The following CDH18 variants were observed in gnomAD, a reference collection of about 807,000 sequenced individuals.
The protein encoded by CDH18 is cadherin 18.
Under a neutral mutation model 67.9 loss-of-function variants are expected in CDH18, and 31 were observed. The observed-to-expected ratio is 0.46, with a 90% CI of 0.34 to 0.62. The LOEUF (loss-of-function observed/expected upper bound fraction) is 0.62. CDH18 is among the 20% of genes least tolerant of loss of function. The probability of loss-of-function intolerance (pLI) is 0.01; values close to 1 mark genes in which losing one functional copy is unlikely to be tolerated. For missense variants in CDH18, 890 were observed against 975.5 expected (o/e 0.91, Z 1.17); for synonymous variants, 362 against 347.2 (o/e 1.04, Z -0.48).
chr5:19,521,199 CA>C (rs1250574213), intron 9 of CDH18, among the ~76,000 whole-genome samples: 15 of 152,020 alleles, frequency 9.9e-5, no homozygotes, highest in African/African-American at 3.1e-4. Flanking sequence ...TCAAAGAAAA[CA>C]AAAAATAAAT....
intron 5 of CDH18, among the ~76,000 whole-genome samples, chr5:19,666,511 G>C (rs4524513): frequency 0.92 from 139,194 of 151,902 alleles, 64,178 homozygotes; most frequent in Non-Finnish European, 0.96. Flanking sequence ...ATTACACCAC[G>C]AGCCAATGAA....
chr5:20,477,871 G>C (rs1438551701), intron 1 of CDH18, among the ~76,000 whole-genome samples: 1 of 152,082 alleles, frequency 6.6e-6, no homozygotes, highest in Non-Finnish European at 1.5e-5. Context: ...GAGAGGAGAG[G>C]ACAGATTAAG....
At chr5:19,828,689 G>A (rs751718189) in intron 3 of CDH18, among the ~76,000 whole-genome samples, 5 of 152,094 alleles carry the variant, frequency 3.3e-5, no homozygotes, top group East Asian at 1.9e-4. Flanking sequence ...ATACAACATC[G>A]CTTCATGTTA....
intron 9 of CDH18, among the ~76,000 whole-genome samples, chr5:19,538,008 TA>T (rs748077079): frequency 6.6e-6 from 1 of 152,132 alleles, no homozygotes; most frequent in Non-Finnish European, 1.5e-5. Flanking sequence ...AGATAAAAGG[TA>T]AAAAGTATTG....
At position 20,363,477 on chromosome 5, in the gene CDH18, C is replaced by CAAAAAAA. The variant is rs1187140017; in HGVS notation, c.-579-107979_-579-107973dup. On this transcript the variant is annotated intron_variant, in intron 1 of 14. Transcript: ENST00000507958. ...GGCAACACAGAGCGAGACTCCGTATCAAAAAAAAAAAAAAAAAAAAGCCAG... is the reference window on the plus strand; with the variant it reads ...GGCAACACAGAGCGAGACTCCGTATCAAAAAAAAAAAAAAAAAAAAAAAAAAAGCCAG... Among the ~76,000 whole-genome samples the CAAAAAAA allele has an allele frequency of 6.9e-5, 7 of 101,310 alleles. 3 individuals carry two copies. The highest frequency in any genetic ancestry group is 1.3e-4 in the Admixed American group (1 of 7,844). The allele number at this position is 101,310 out of a possible 152,430, so 66.5% of individuals were successfully genotyped here. A position where few individuals can be genotyped will look rare whatever the true frequency, so the allele number is the denominator to read the frequency against.
intron 2 of CDH18, among the ~76,000 whole-genome samples, chr5:20,029,045 T>G (rs58550676): frequency 0.31 from 46,801 of 151,740 alleles, 8,179 homozygotes; most frequent in Non-Finnish European, 0.38. Flanking sequence ...GATCCAAGGA[T>G]CCAAAGCAAC....
In CDH18 at chr5:19,922,254, T is replaced by C. The variant is rs573302606; in HGVS notation, c.-257+58806A>G. Among the ~76,000 whole-genome samples, 6 of 152,330 alleles carry C rather than the reference T, an allele frequency of 3.9e-5. No individual in the cohort carries two copies. The East Asian group carries it at 1.2e-3, about 29-fold the overall frequency. On this transcript the variant is annotated intron_variant, in intron 2 of 12. Transcript: ENST00000382275. ...AGAAGGGTTTAAACTAAACCATTTC[T>C]TGTGTTATGCATGTTTCTGCTTTAG... is the stretch of plus-strand genomic sequence containing the variant.
At chr5:19,973,586 T>C (rs988024503) in intron 2 of CDH18, among the ~76,000 whole-genome samples, 2 of 152,064 alleles carry the variant, frequency 1.3e-5, no homozygotes, top group Admixed American at 6.6e-5. Flanking sequence ...TTGAAGAACA[T>C]GGAAAAAGTT....
chr5:20,464,923 A>T (rs971412067), intron 1 of CDH18, among the ~76,000 whole-genome samples: 1 of 152,152 alleles, frequency 6.6e-6, no homozygotes, highest in Admixed American at 6.6e-5. Context: ...AGACATGAAC[A>T]GTCAGATATT....
intron 5 of CDH18, among the ~76,000 whole-genome samples, chr5:19,704,686 G>C (rs1440882538): frequency 6.6e-6 from 1 of 152,032 alleles, no homozygotes; most frequent in Admixed American, 6.6e-5. Context: ...ATAGAACATT[G>C]GTCACTAAGT....
At chr5:20,285,398 A>G (rs1205374411) in intron 1 of CDH18, among the ~76,000 whole-genome samples, 3 of 141,208 alleles carry the variant, frequency 2.1e-5, no homozygotes, top group East Asian at 4.0e-4. Flanking sequence ...ATAATATAAT[A>G]TAATATAATA....
At chr5:20,196,675 C>T (rs1230466952) in intron 2 of CDH18, among the ~76,000 whole-genome samples, 14 of 152,092 alleles carry the variant, frequency 9.2e-5, no homozygotes, top group Non-Finnish European at 1.8e-4. Context: ...TGAACGGATG[C>T]CAATATTTCT....
chr5:19,657,245 CA>C lies in CDH18; in HGVS notation c.644-44645del, dbSNP rs1756531586. On this transcript the variant is annotated intron_variant, in intron 5 of 12. Transcript: ENST00000382275. ...TCACTTGGGAGGGAATGTGATAGAA[CA>C]AAGAAGAATAAAAACTTGTGATTAA... 3.3e-5 allele frequency among the ~76,000 whole-genome samples: 5 copies of C among 151,884 alleles called. No homozygotes were observed. In the South Asian group the frequency reaches 1.0e-3, roughly 32 times the overall value.
At chr5:19,799,614 T>C (rs1157070296) in intron 3 of CDH18, among the ~76,000 whole-genome samples, 1 of 152,140 alleles carries the variant, frequency 6.6e-6, no homozygotes, top group Non-Finnish European at 1.5e-5. Context: ...TTTTTATATC[T>C]ATTATACCTC....
intron 2 of CDH18, among the ~76,000 whole-genome samples, chr5:19,961,452 T>C (rs1796900059): frequency 6.6e-6 from 1 of 152,096 alleles, no homozygotes; most frequent in Admixed American, 6.6e-5. Context: ...GTGAGGTTTG[T>C]TATTGACCTA....
intron 1 of CDH18, among the ~76,000 whole-genome samples, chr5:20,494,852 G>T (rs1753816219): frequency 6.6e-6 from 1 of 152,110 alleles, no homozygotes; most frequent in South Asian, 2.1e-4. Flanking sequence ...GAAAGGAGCA[G>T]AAGGGAAAAC....
At chr5:20,067,065 T>C (rs1743040326) in intron 2 of CDH18, among the ~76,000 whole-genome samples, 1 of 151,834 alleles carries the variant, frequency 6.6e-6, no homozygotes, top group African/African-American at 2.4e-5. Context: ...ATAATAAATA[T>C]TTACCTAGTA....
intron 5 of CDH18, among the ~76,000 whole-genome samples, chr5:19,676,917 T>G (rs1039908934): frequency 2.6e-5 from 4 of 152,090 alleles, no homozygotes; most frequent in African/African-American, 9.7e-5. Context: ...TTTCTTGTTC[T>G]AAAGCCTTTT....
At chr5:19,832,898 C>A (rs985859458) in intron 3 of CDH18, among the ~76,000 whole-genome samples, 1 of 151,964 alleles carries the variant, frequency 6.6e-6, no homozygotes, top group Non-Finnish European at 1.5e-5. Flanking sequence ...TGTTTTGGTA[C>A]CAGCACCCTG....
Sources: allele counts gnomAD v4.1 joint callset (sites outside exome capture counted in the v4.1 genomes callset), GRCh38; gene constraint gnomAD v4.1.1; transcripts MANE v1.5; gene names NCBI Gene and HGNC (gene_info 2026-07-23, HGNC 2026-07-21).